SRD5A2: variants seen among roughly 807,000 people sequenced by gnomAD.
SRD5A2 encodes steroid 5 alpha-reductase 2, also known as 3-oxo-5-alpha-steroid 4-dehydrogenase 2.
SRD5A2 carries 30 observed loss-of-function variants against 27.4 expected under a neutral mutation model. The observed-to-expected ratio is 1.10, with a 90% CI of 0.82 to 1.49. The LOEUF (loss-of-function observed/expected upper bound fraction) is 1.49, where lower values mean the gene tolerates loss of function less well. Among genes scored for constraint, SRD5A2 ranks in the 40% most tolerant of loss-of-function variants. The pLI is 0.00. For missense variants in SRD5A2, 348 were observed against 323.4 expected (o/e 1.08, Z -0.58); for synonymous variants, 141 against 133.6 (o/e 1.06, Z -0.38).
chr2:31,614,390 T>A, the SRD5A2 span, among the ~76,000 whole-genome samples: 2 of 152,374 alleles, frequency 1.3e-5, no homozygotes, highest in African/African-American at 2.4e-5. Flanking sequence ...ATCTAGGTCA[T>A]GCTGATGCAA....
chr2:31,592,470 C>T, the SRD5A2 span, among the ~76,000 whole-genome samples: 1 of 152,232 alleles, frequency 6.6e-6, no homozygotes, highest in Non-Finnish European at 1.5e-5. Flanking sequence ...ACACCTCCAC[C>T]AGAGCAGACA....
intron 1 of SRD5A2, among the ~76,000 whole-genome samples, chr2:31,565,396 G>A (rs900742835): frequency 3.3e-5 from 5 of 151,862 alleles, no homozygotes; most frequent in African/African-American, 9.7e-5. Context: ...ATCAGAGATT[G>A]TCAGAATGGC....
chr2:31,555,079 A>T (rs961123045), intron 1 of SRD5A2, among the ~76,000 whole-genome samples: 1 of 151,918 alleles, frequency 6.6e-6, no homozygotes, highest in African/African-American at 2.4e-5. Flanking sequence ...ATGGAATTTA[A>T]ATGTGGGTCT....
chr2:31,555,511 G>A (rs1666477087), intron 1 of SRD5A2, among the ~76,000 whole-genome samples: 1 of 152,124 alleles, frequency 6.6e-6, no homozygotes, highest in Non-Finnish European at 1.5e-5. Context: ...TTGAACCTGA[G>A]AGAATGTAGG....
chr2:31,538,362 T>C (rs1666066987), intron 1 of SRD5A2, among the ~76,000 whole-genome samples: 1 of 152,170 alleles, frequency 6.6e-6, no homozygotes, highest in Admixed American at 6.5e-5. Context: ...TAGCAATTTC[T>C]GTCATCTTTA....
intron 1 of SRD5A2, among the ~76,000 whole-genome samples, chr2:31,548,343 ATC>A (rs1327906631): frequency 6.6e-6 from 1 of 152,172 alleles, no homozygotes; most frequent in East Asian, 1.9e-4. Context: ...CAAAGCATAT[ATC>A]TGACAAGAGA....
the SRD5A2 span, among the ~76,000 whole-genome samples, chr2:31,599,020 A>G: frequency 1.3e-5 from 2 of 152,038 alleles, no homozygotes; most frequent in African/African-American, 4.8e-5. Flanking sequence ...CAGAAGTGCT[A>G]TACTTATATC....
At chr2:31,635,546 A>G in the SRD5A2 span, among the ~76,000 whole-genome samples, 1 of 152,014 alleles carries the variant, frequency 6.6e-6, no homozygotes, top group Non-Finnish European at 1.5e-5. Context: ...GAAGTATTTT[A>G]GCTTTATTTA....
At chr2:31,616,902 C>T in the SRD5A2 span, among the ~76,000 whole-genome samples, 3 of 151,994 alleles carry the variant, frequency 2.0e-5, no homozygotes, top group South Asian at 2.1e-4. Context: ...ACTGTAGCTC[C>T]CATAATTCCT....
At chr2:31,614,887 C>G in the SRD5A2 span, among the ~76,000 whole-genome samples, 98,928 of 151,986 alleles carry the variant, frequency 0.65, 32,424 homozygotes, top group Middle Eastern at 0.69. Context: ...GAGGGACCCA[C>G]TGGGAGAAAA....
At chr2:31,636,237 A>G in the SRD5A2 span, among the ~76,000 whole-genome samples, 1 of 151,850 alleles carries the variant, frequency 6.6e-6, no homozygotes, top group Non-Finnish European at 1.5e-5. Flanking sequence ...AGTTGTTCTT[A>G]TATAGATCTT....
At chr2:31,541,346 A>C (rs1666124744) in intron 1 of SRD5A2, among the ~76,000 whole-genome samples, 1 of 152,118 alleles carries the variant, frequency 6.6e-6, no homozygotes, top group African/African-American at 2.4e-5. Flanking sequence ...CTTTCAACAA[A>C]AAAAAACACA....
the SRD5A2 span, among the ~76,000 whole-genome samples, chr2:31,648,852 A>G: frequency 6.6e-6 from 1 of 152,212 alleles, no homozygotes; most frequent in Non-Finnish European, 1.5e-5. Flanking sequence ...TCCTCTGAGT[A>G]GCCTTTCTAA....
At chr2:31,560,230 T>C (rs1178438931) in intron 1 of SRD5A2, among the ~76,000 whole-genome samples, 1 of 152,162 alleles carries the variant, frequency 6.6e-6, no homozygotes, top group East Asian at 1.9e-4. Context: ...CTTTCCATCT[T>C]GTTGCTACTG....
chr2:31,621,090 G>A, the SRD5A2 span, among the ~76,000 whole-genome samples: 1 of 151,110 alleles, frequency 6.6e-6, no homozygotes. Flanking sequence ...AAAATAATAG[G>A]AAGAGATCCT....
the SRD5A2 span, among the ~76,000 whole-genome samples, chr2:31,608,268 A>G: frequency 3.0e-4 from 45 of 152,054 alleles, no homozygotes; most frequent in African/African-American, 1.1e-3. Flanking sequence ...TCTATTTTTT[A>G]TGTGCAGTAG....
At chr2:31,631,723 G>T in the SRD5A2 span, among the ~76,000 whole-genome samples, 56 of 152,172 alleles carry the variant, frequency 3.7e-4, no homozygotes, top group African/African-American at 1.3e-3. Flanking sequence ...AAGAAGTGCT[G>T]CCATAACTGC....
the SRD5A2 span, among the ~76,000 whole-genome samples, chr2:31,615,391 G>A: frequency 6.6e-6 from 1 of 152,208 alleles, no homozygotes. Flanking sequence ...GGCAGTCTCA[G>A]ATGGAGATGA....
the SRD5A2 span, among the ~76,000 whole-genome samples, chr2:31,656,498 T>A: frequency 6.6e-6 from 1 of 152,140 alleles, no homozygotes; most frequent in African/African-American, 2.4e-5. Flanking sequence ...CCTTTGAGAA[T>A]TGACTAAGTA....
Sources: gnomAD v4.1 joint callset for allele counts (sites outside exome capture counted in the v4.1 genomes callset) on GRCh38, gnomAD v4.1.1 for gene constraint, MANE v1.5 for transcripts, NCBI Gene and HGNC (gene_info 2026-07-23, HGNC 2026-07-21) for gene names.